Variants in ST7 observed in about 807,000 individuals in gnomAD.
The protein encoded by ST7 is suppression of tumorigenicity 7, also known as suppressor of tumorigenicity 7 protein.
In ST7, 28 loss-of-function variants were observed where a neutral mutation model predicts 78.7. That is an observed-to-expected ratio of 0.36 (90% CI 0.26 to 0.49). ST7 has a LOEUF of 0.49. Among genes scored for constraint, ST7 ranks in the 20% least tolerant of loss-of-function variants. The probability of loss-of-function intolerance (pLI) is 0.99; values close to 1 mark genes in which losing one functional copy is unlikely to be tolerated. For missense variants in ST7, 418 were observed against 696.0 expected, an observed-to-expected ratio of 0.60 and a Z score of 4.49; for synonymous variants, 247 against 249.6, an observed-to-expected ratio of 0.99 and a Z score of 0.10.
At chr7:116,968,532 C>T in intron 1 of ST7, 2 of 382,706 alleles carry the variant, frequency 5.2e-6, no homozygotes, top group South Asian at 3.8e-5. Context: ...TGTTGAACCT[C>T]TTTTCTCTTA....
chr7:117,211,735 CTT>C (rs1028045574), intron 13 of ST7, among the ~76,000 whole-genome samples: 2 of 152,078 alleles, frequency 1.3e-5, no homozygotes, highest in Non-Finnish European at 2.9e-5. Context: ...TGGAAACTCT[CTT>C]TGGAAATTAG....
intron 1 of ST7, among the ~76,000 whole-genome samples, chr7:117,030,194 A>G (rs972773674): frequency 6.6e-6 from 1 of 152,236 alleles, no homozygotes; most frequent in Non-Finnish European, 1.5e-5. Flanking sequence ...AATTTCTCTC[A>G]CAATGGTGAA....
chr7:117,021,738 C>A (rs969560662), intron 1 of ST7, among the ~76,000 whole-genome samples: 2 of 152,214 alleles, frequency 1.3e-5, no homozygotes, highest in African/African-American at 4.8e-5. Context: ...AGCTTCTCAT[C>A]TCAGACTACC....
chr7:116,990,768 C>T (rs987513748), intron 1 of ST7, among the ~76,000 whole-genome samples: 17 of 152,172 alleles, frequency 1.1e-4, no homozygotes, highest in Non-Finnish European at 1.9e-4. Context: ...TGCTTTGTTA[C>T]TATTTTTTAG....
At chr7:117,207,327 A>G (rs1791864575) in intron 12 of ST7, among the ~76,000 whole-genome samples, 1 of 151,954 alleles carries the variant, frequency 6.6e-6, no homozygotes, top group Non-Finnish European at 1.5e-5. Context: ...TATTTTTAGT[A>G]GAGACAGAGT....
intron 1 of ST7, among the ~76,000 whole-genome samples, chr7:117,097,005 A>G (rs543834528): frequency 6.6e-6 from 1 of 152,068 alleles, no homozygotes; most frequent in African/African-American, 2.4e-5. Context: ...CTTAAAAACA[A>G]ATGAATGGAA....
intron 11 of ST7, among the ~76,000 whole-genome samples, 169 bp downstream of exon 11, chr7:117,189,562 A>C (rs572041240): frequency 6.6e-6 from 1 of 152,322 alleles, no homozygotes; most frequent in Non-Finnish European, 1.5e-5. Context: ...GAGGGAATGT[A>C]TATCCTCAGG....
chr7:117,039,110 C>T (rs751406353), intron 1 of ST7, among the ~76,000 whole-genome samples: 1 of 151,886 alleles, frequency 6.6e-6, no homozygotes, highest in Non-Finnish European at 1.5e-5. Flanking sequence ...ATTTTTTTCT[C>T]TATAAATAGA....
At chr7:117,058,743 C>A (rs1427537263) in intron 1 of ST7, among the ~76,000 whole-genome samples, 2 of 152,062 alleles carry the variant, frequency 1.3e-5, no homozygotes, top group African/African-American at 4.8e-5. Context: ...TACTGCACTC[C>A]CCTATTTATT....
At chr7:117,005,033 C>T (rs1018682067) in intron 1 of ST7, among the ~76,000 whole-genome samples, 1 of 152,096 alleles carries the variant, frequency 6.6e-6, no homozygotes, top group African/African-American at 2.4e-5. Flanking sequence ...CTGCATAATG[C>T]CTAGAAGTCC....
chr7:117,027,836 C>A (rs949714550), intron 1 of ST7, among the ~76,000 whole-genome samples: 3 of 152,214 alleles, frequency 2.0e-5, no homozygotes, highest in Non-Finnish European at 2.9e-5. Context: ...AAATTCCTAT[C>A]AGTTGACAAT....
Position 117,130,563 on chromosome 7 carries a change from A to G in ST7, c.522A>G (p.Thr174=). The change falls in exon 5 of 16, where the codon ACA becomes ACG. Residue 174 remains threonine (T), a synonymous_variant. Coordinates refer to ENST00000323984, the MANE Select transcript of ST7 (RefSeq NM_001369598.1). ...DMNLSAQDHQ[T]FFTCDSDHLR... is the part of the protein sequence containing the mutation. The stretch of plus-strand genomic sequence containing the variant: ...ATCTCTCTGCCCAAGACCACCAGAC[A>G]TTCTTTACTTGTGACTCGGACCATC... The G allele has an allele frequency of 1.2e-6, 2 of 1,611,576 alleles. No homozygotes were observed. Among genetic ancestry groups the G allele is most frequent in the Non-Finnish European group, 1.7e-6 (2 of 1,178,392 alleles).
chr7:117,013,811 C>T (rs1197271796), intron 1 of ST7, among the ~76,000 whole-genome samples: 4 of 151,968 alleles, frequency 2.6e-5, no homozygotes, highest in South Asian at 2.1e-4. Context: ...CCAGCCTGAG[C>T]GACAGAGTGA....
Position 117,219,376 on chromosome 7 carries a change from A to G in ST7, c.1498+200A>G, listed in dbSNP as rs1267921516. The stretch of plus-strand genomic sequence containing the variant: ...TTTTCCTCCAAGTCTCTCCAAATTT[A>G]TCAAAGGGAAAGATGCCAAAGGATT... On this transcript the variant is annotated intron_variant, in intron 14 of 15. Coordinates refer to ENST00000323984, the MANE Select transcript of ST7 (RefSeq NM_001369598.1). This position sits in a 1 kb window ranked among gnomAD's most constrained non-coding sequence, Gnocchi z 5.1. 6.6e-6 allele frequency among the ~76,000 whole-genome samples: 1 copy of G among 152,186 alleles called. No homozygotes were observed. Among genetic ancestry groups the G allele is most frequent in the African/African-American group, 2.4e-5 (1 of 41,452 alleles).
chr7:116,979,160 C>G (rs1469045806), intron 1 of ST7, among the ~76,000 whole-genome samples: 1 of 152,128 alleles, frequency 6.6e-6, no homozygotes, highest in African/African-American at 2.4e-5. Context: ...ATTTTTCTCC[C>G]ACCCTATTAA....
chr7:117,107,799 G>T (rs1298132519), intron 2 of ST7, among the ~76,000 whole-genome samples: 4 of 151,684 alleles, frequency 2.6e-5, no homozygotes, highest in African/African-American at 9.7e-5. Context: ...GTTTGTTAGA[G>T]ACAGGGTTTC....
At chr7:117,068,746 T>C (rs1211716396) in intron 1 of ST7, among the ~76,000 whole-genome samples, 1 of 152,228 alleles carries the variant, frequency 6.6e-6, no homozygotes, top group Non-Finnish European at 1.5e-5. Context: ...TTGTAATTGC[T>C]TGGGTTACAT....
At chr7:117,205,853 C>T (rs1010804578) in intron 12 of ST7, among the ~76,000 whole-genome samples, 9 of 152,260 alleles carry the variant, frequency 5.9e-5, no homozygotes, top group Middle Eastern at 6.8e-3. Flanking sequence ...GGCAGGATGG[C>T]GGGCAAAATA....
intron 9 of ST7, among the ~76,000 whole-genome samples, chr7:117,139,504 C>A (rs563647055): frequency 2.6e-5 from 4 of 152,086 alleles, no homozygotes; most frequent in Admixed American, 2.6e-4. Context: ...TGTGAATTCC[C>A]GGTTACTCTT....
Sources: allele counts gnomAD v4.1 joint callset (sites outside exome capture counted in the v4.1 genomes callset), GRCh38; gene constraint gnomAD v4.1.1; non-coding constraint Gnocchi (gnomAD v3.1); transcripts MANE v1.5; gene names NCBI Gene and HGNC (gene_info 2026-07-23, HGNC 2026-07-21).